Variants in DOK6 observed in about 807,000 individuals in gnomAD.
DOK6 encodes docking protein 6, also known as downstream of tyrosine kinase 6.
Under a neutral mutation model 44.0 loss-of-function variants are expected in DOK6, and 22 were observed. The observed-to-expected ratio is 0.50, with a 90% CI of 0.36 to 0.71. DOK6 has a LOEUF of 0.71. Among genes scored for constraint, DOK6 ranks in the 30% least tolerant of loss-of-function variants. The pLI, the probability that DOK6 is intolerant of heterozygous loss-of-function variation, is 0.00. For synonymous variants in DOK6, 166 were observed against 145.5 expected (o/e 1.14, Z -1.01); for missense variants, 340 against 416.4 (o/e 0.82, Z 1.60).
chr18:69,816,453 A>G (rs1402349361), intron 7 of DOK6, among the ~76,000 whole-genome samples: 1 of 152,220 alleles, frequency 6.6e-6, no homozygotes, highest in Non-Finnish European at 1.5e-5. Context: ...TGAATTCACC[A>G]TACAACCTTA....
chr18:69,450,118 C>T (rs1165790359), intron 1 of DOK6, among the ~76,000 whole-genome samples: 17 of 123,552 alleles, frequency 1.4e-4, no homozygotes, highest in African/African-American at 2.9e-4. Context: ...CTCTGAGCTA[C>T]GGGAGGACAT....
intron 2 of DOK6, among the ~76,000 whole-genome samples, chr18:69,568,856 G>T (rs1264275351): frequency 6.6e-6 from 1 of 151,588 alleles, no homozygotes; most frequent in Non-Finnish European, 1.5e-5. Flanking sequence ...AATGCCTGAT[G>T]ATCTGTCACT....
chr18:69,539,523 T>G (rs1019984775), intron 1 of DOK6, among the ~76,000 whole-genome samples: 2 of 151,166 alleles, frequency 1.3e-5, no homozygotes, highest in African/African-American at 4.9e-5. Flanking sequence ...CCAAAGTAGC[T>G]GGGACTACAG....
At chr18:69,491,494 T>C (rs1369018005) in intron 1 of DOK6, among the ~76,000 whole-genome samples, 3 of 152,228 alleles carry the variant, frequency 2.0e-5, no homozygotes, top group Non-Finnish European at 4.4e-5. Flanking sequence ...GAAATAATGT[T>C]TTCTAAAAAA....
chr18:69,418,905 C>T (rs144784568), intron 1 of DOK6, among the ~76,000 whole-genome samples: 115 of 152,162 alleles, frequency 7.6e-4, no homozygotes, highest in Middle Eastern at 6.8e-3. Flanking sequence ...TGCCTAAGTA[C>T]ATGTATTTCA....
chr18:69,585,053 A>T (rs1983467650), intron 2 of DOK6, among the ~76,000 whole-genome samples: 1 of 151,184 alleles, frequency 6.6e-6, no homozygotes, highest in South Asian at 2.1e-4. Context: ...TATCATTATT[A>T]TGTCTTTCTT....
chr18:69,752,023 A>T (rs779603222), intron 6 of DOK6, among the ~76,000 whole-genome samples: 5 of 151,446 alleles, frequency 3.3e-5, no homozygotes, highest in Non-Finnish European at 7.4e-5. Flanking sequence ...TTTAATTAAT[A>T]CTTAACTTGA....
chr18:69,654,674 A>G (rs980879695), intron 3 of DOK6, among the ~76,000 whole-genome samples: 19 of 152,334 alleles, frequency 1.2e-4, no homozygotes, highest in African/African-American at 4.6e-4. Context: ...ATTCCAAGCT[A>G]ATATTAAACT....
intron 3 of DOK6, among the ~76,000 whole-genome samples, chr18:69,623,262 C>A (rs1984484628): frequency 6.6e-6 from 1 of 152,146 alleles, no homozygotes. Flanking sequence ...GAACCATGAG[C>A]TGATTAAACC....
chr18:69,585,704 C>G (rs1983483650), intron 2 of DOK6, among the ~76,000 whole-genome samples: 1 of 152,148 alleles, frequency 6.6e-6, no homozygotes, highest in South Asian at 2.1e-4. Context: ...TAGGGATACA[C>G]TGTACTGCTT....
intron 7 of DOK6, among the ~76,000 whole-genome samples, chr18:69,768,933 T>C (rs182206929): frequency 1.3e-5 from 1 of 76,784 alleles, no homozygotes; most frequent in African/African-American, 3.3e-5. Context: ...GAGGAATTTA[T>C]GCTAAGATTT....
chr18:69,752,637 TAG>T (rs1979220934), intron 6 of DOK6, among the ~76,000 whole-genome samples: 1 of 151,800 alleles, frequency 6.6e-6, no homozygotes, highest in African/African-American at 2.4e-5. Context: ...ATAGGAAGAG[TAG>T]AGACAATCAA....
At chr18:69,584,527 A>C (rs2144612438) in intron 2 of DOK6, among the ~76,000 whole-genome samples, 1 of 152,252 alleles carries the variant, frequency 6.6e-6, no homozygotes, top group Non-Finnish European at 1.5e-5. Flanking sequence ...CCTGACCTCA[A>C]GCAGTCCGCT....
At chr18:69,433,296 T>C (rs558616899) in intron 1 of DOK6, among the ~76,000 whole-genome samples, 1 of 152,218 alleles carries the variant, frequency 6.6e-6, no homozygotes, top group African/African-American at 2.4e-5. Context: ...TCTTCCTGAA[T>C]TTTTTTTCTG....
At chr18:69,734,719 A>C (rs1978545957) in intron 5 of DOK6, among the ~76,000 whole-genome samples, 1 of 152,196 alleles carries the variant, frequency 6.6e-6, no homozygotes, top group East Asian at 1.9e-4. Context: ...AGCTGTGAAG[A>C]TGGACAAAAT....
At chr18:69,577,153 C>T (rs1318349851) in intron 2 of DOK6, among the ~76,000 whole-genome samples, 1 of 152,070 alleles carries the variant, frequency 6.6e-6, no homozygotes, top group Non-Finnish European at 1.5e-5. Flanking sequence ...TAAAGGCATC[C>T]TTGTGAAAAA....
intron 1 of DOK6, among the ~76,000 whole-genome samples, chr18:69,536,608 G>A (rs1196942784): frequency 6.6e-6 from 1 of 151,976 alleles, no homozygotes; most frequent in Non-Finnish European, 1.5e-5. Context: ...CTAAACTTCT[G>A]TATGTTTGAA....
At chr18:69,535,135 T>A (rs1982086556) in intron 1 of DOK6, among the ~76,000 whole-genome samples, 1 of 152,136 alleles carries the variant, frequency 6.6e-6, no homozygotes, top group African/African-American at 2.4e-5. Flanking sequence ...AAATTGCATT[T>A]ATAGATTGGT....
chr18:69,484,603 T>G (rs774949422), intron 1 of DOK6, among the ~76,000 whole-genome samples: 6 of 152,148 alleles, frequency 3.9e-5, no homozygotes, highest in Non-Finnish European at 7.4e-5. Context: ...GGTCACAACA[T>G]TTTTACCCAT....
Sources: allele counts gnomAD v4.1 joint callset (sites outside exome capture counted in the v4.1 genomes callset), GRCh38; gene constraint gnomAD v4.1.1; transcripts MANE v1.5; gene names NCBI Gene and HGNC (gene_info 2026-07-23, HGNC 2026-07-21).